Variants in PEPD observed in about 807,000 individuals in gnomAD.
PEPD encodes the protein xaa-Pro dipeptidase.
In PEPD, 53 loss-of-function variants were observed where a neutral mutation model predicts 60.7. The ratio of observed to expected loss-of-function variants is 0.87; its 90% confidence interval spans 0.70 to 1.10. PEPD has a LOEUF of 1.10. Among genes scored for constraint, PEPD ranks in the 50% least tolerant of loss-of-function variants. The pLI is 0.00. For synonymous variants in PEPD, 267 were observed against 284.1 expected, an observed-to-expected ratio of 0.94 and a Z score of 0.60; for missense variants, 711 against 711.9, an observed-to-expected ratio of 1.00 and a Z score of 0.01.
At chr19:33,469,729 C>T (rs1970088538) in intron 7 of PEPD, among the ~76,000 whole-genome samples, 1 of 152,136 alleles carries the variant, frequency 6.6e-6, no homozygotes, top group South Asian at 2.1e-4. Flanking sequence ...GCCTCCTTCT[C>T]CTCTTCCAGT....
chr19:33,399,967 C>A (rs1968450571), intron 12 of PEPD, among the ~76,000 whole-genome samples: 1 of 151,984 alleles, frequency 6.6e-6, no homozygotes, highest in Admixed American at 6.6e-5. Context: ...ACCTGGCCAG[C>A]AGGCGGCAGA....
chr19:33,500,937 C>T lies in PEPD; in HGVS notation c.393+1G>A. ...GCTCAGAGGAGGAGCCGGCTACCCA[C>T]CTCATCTACGTACTGGACGTCGTCC... On this transcript the variant is annotated splice_donor_variant, in intron 4 of 14. Transcript: ENST00000244137. LOFTEE classifies it high-confidence loss of function. 2 of 1,578,514 alleles carry T rather than the reference C, an allele frequency of 1.3e-6. No homozygotes were observed. The highest frequency in any genetic ancestry group is 1.7e-6 in the Non-Finnish European group (2 of 1,147,988).
At chr19:33,419,678 G>C (rs1385442228) in intron 9 of PEPD, among the ~76,000 whole-genome samples, 1 of 152,228 alleles carries the variant, frequency 6.6e-6, no homozygotes, top group Non-Finnish European at 1.5e-5. Flanking sequence ...GCAGGGAAAA[G>C]CTTCAACTCC....
At chr19:33,431,207 G>A (rs1261629670) in intron 9 of PEPD, among the ~76,000 whole-genome samples, 1 of 151,054 alleles carries the variant, frequency 6.6e-6, no homozygotes, top group Non-Finnish European at 1.5e-5. Flanking sequence ...AGGGAGAGAG[G>A]GAGGGAGGGA....
chr19:33,411,846 T>C, intron 10 of PEPD, 97 bp from the exon 11 acceptor site: 1 of 762,622 alleles, frequency 1.3e-6, no homozygotes, highest in Admixed American at 2.0e-5. Context: ...TGAGCAGCAC[T>C]GTCCCCACCT....
intron 9 of PEPD, among the ~76,000 whole-genome samples, chr19:33,444,550 T>A (rs777210728): frequency 6.9e-6 from 1 of 144,676 alleles, no homozygotes; most frequent in Non-Finnish European, 1.5e-5. Flanking sequence ...TTCCACCCCC[T>A]GCATCCAATC....
At chr19:33,436,003 T>G (rs1969368554) in intron 9 of PEPD, among the ~76,000 whole-genome samples, 1 of 152,152 alleles carries the variant, frequency 6.6e-6, no homozygotes, top group Non-Finnish European at 1.5e-5. Context: ...GGTCTGAGGT[T>G]AGCGCAGCCC....
chr19:33,391,622 G>A (rs1025886191), intron 12 of PEPD, 143 bp from the exon 13 acceptor site: 6 of 753,576 alleles, frequency 8.0e-6, no homozygotes, highest in Admixed American at 2.1e-5. Flanking sequence ...GTACTACATC[G>A]GGGGCCCAGG....
rs1163167554 is a variant in PEPD, at chr19:33,473,634, C to G, written c.548+4412G>C. The stretch of plus-strand genomic sequence containing the variant: ...AGGTACTTAACCGAAACCCAAGGCA[C>G]TGAGCTATCAGGTGGTATGAAAGCA... On this transcript the variant is annotated intron_variant, in intron 7 of 14. Transcript: ENST00000244137. 8.5e-5 allele frequency among the ~76,000 whole-genome samples: 13 copies of G among 152,356 alleles called. No homozygotes were observed. The East Asian group carries it at 2.1e-3, about 25-fold the overall frequency.
In PEPD at chr19:33,413,613, G is replaced by A. The variant is rs753617751; in HGVS notation, c.702C>T (p.Gly234=). ...SLFEHYCYSR[G]GMRHSSYTCI... is the part of the protein sequence containing the mutation. ...AGGTGTAGGAGCTGTGGCGCATGCC[G>A]CCCCGGGAGTAGCAGTAGTGCTCGA... The change falls in exon 10 of 15, where the codon GGC becomes GGT. Residue 234 remains glycine (G), a synonymous_variant. Transcript: ENST00000244137. The A allele has an allele frequency of 5.0e-6, 8 of 1,588,536 alleles. No homozygotes were observed. The African/African-American group carries it at 5.4e-5, about 11-fold the overall frequency.
chr19:33,484,691 A>T (rs1970366706), intron 6 of PEPD, among the ~76,000 whole-genome samples: 2 of 151,572 alleles, frequency 1.3e-5, no homozygotes, highest in South Asian at 4.2e-4. Context: ...AAGACACACA[A>T]AAAGATCCAC....
At chr19:33,467,644 T>C (rs1319375084) in intron 7 of PEPD, among the ~76,000 whole-genome samples, 3 of 151,916 alleles carry the variant, frequency 2.0e-5, no homozygotes, top group Non-Finnish European at 2.9e-5. Context: ...AATAAACATA[T>C]GATGAAAAGA....
At chr19:33,514,817 G>A (rs1156774877) in intron 1 of PEPD, among the ~76,000 whole-genome samples, 1 of 151,910 alleles carries the variant, frequency 6.6e-6, no homozygotes, top group Non-Finnish European at 1.5e-5. Context: ...TTCTGACCAG[G>A]TTCCCCACTC....
At chr19:33,490,174 C>A in intron 5 of PEPD, 117 bp from the exon 6 acceptor site, 1 of 734,012 alleles carries the variant, frequency 1.4e-6, no homozygotes, top group Non-Finnish European at 2.5e-6. Flanking sequence ...CTCCTGCCTT[C>A]CCCCAACAGA....
intron 11 of PEPD, among the ~76,000 whole-genome samples, chr19:33,402,916 A>G (rs987688364): frequency 6.6e-6 from 1 of 152,182 alleles, no homozygotes; most frequent in Non-Finnish European, 1.5e-5. Context: ...ATGCCCTGTA[A>G]GAGGGACCCT....
At chr19:33,393,289 G>C (rs925295584) in intron 12 of PEPD, among the ~76,000 whole-genome samples, 1 of 150,494 alleles carries the variant, frequency 6.6e-6, no homozygotes, top group South Asian at 2.1e-4. Flanking sequence ...GGTCTGGCGT[G>C]GGGGAGAGCC....
At chr19:33,403,712 T>C (rs1968553853) in intron 11 of PEPD, among the ~76,000 whole-genome samples, 1 of 152,218 alleles carries the variant, frequency 6.6e-6, no homozygotes. Context: ...CCAGGACGCT[T>C]TGCTGAAATC....
intron 9 of PEPD, among the ~76,000 whole-genome samples, chr19:33,451,149 C>T (rs972442944): frequency 1.3e-5 from 2 of 152,228 alleles, no homozygotes; most frequent in East Asian, 1.9e-4. Context: ...AACTGTAACA[C>T]CGCTGCTTTA....
intron 4 of PEPD, among the ~76,000 whole-genome samples, chr19:33,499,115 T>C (rs996260302): frequency 1.3e-5 from 2 of 152,138 alleles, no homozygotes; most frequent in African/African-American, 2.4e-5. Flanking sequence ...GATGGTCTCA[T>C]TGGGAGCATG....
Sources: gnomAD v4.1 joint callset for allele counts (sites outside exome capture counted in the v4.1 genomes callset) on GRCh38, gnomAD v4.1.1 for gene constraint, MANE v1.5 for transcripts, NCBI Gene and HGNC (gene_info 2026-07-23, HGNC 2026-07-21) for gene names.